The following SUPT3H variants were observed in gnomAD, a reference collection of about 807,000 sequenced individuals.
SUPT3H encodes transcription initiation protein SPT3 homolog.
Under a neutral mutation model 44.3 loss-of-function variants are expected in SUPT3H, and 44 were observed. The observed-to-expected ratio is 0.99, with a 90% CI of 0.78 to 1.28. The LOEUF (loss-of-function observed/expected upper bound fraction) is 1.28, where lower values mean the gene tolerates loss of function less well. Among genes scored for constraint, SUPT3H ranks in the 50% most tolerant of loss-of-function variants. The pLI, the probability that SUPT3H is intolerant of heterozygous loss-of-function variation, is 0.00. For synonymous variants in SUPT3H, 124 were observed against 125.6 expected, an observed-to-expected ratio of 0.99 and a Z score of 0.09; for missense variants, 380 against 387.1, an observed-to-expected ratio of 0.98 and a Z score of 0.15.
At chr6:45,151,926 T>C (rs900239649) in intron 2 of SUPT3H, among the ~76,000 whole-genome samples, 52 of 152,180 alleles carry the variant, frequency 3.4e-4, no homozygotes, top group African/African-American at 1.1e-3. Context: ...TCAGTTTCTT[T>C]GGTTGGTTCT....
chr6:45,007,559 G>A (rs572939793), intron 5 of SUPT3H, among the ~76,000 whole-genome samples: 220 of 152,110 alleles, frequency 1.4e-3, no homozygotes, highest in Non-Finnish European at 2.6e-3. Context: ...GTGAATTACT[G>A]TGTGTTAACT....
chr6:45,288,609 ATATG>A (rs59183264), intron 2 of SUPT3H, among the ~76,000 whole-genome samples: 3,445 of 41,104 alleles, frequency 0.084, 164 homozygotes, highest in African/African-American at 0.1. Flanking sequence ...GTATATATAT[ATATG>A]TATATATATA....
intron 2 of SUPT3H, among the ~76,000 whole-genome samples, chr6:45,152,273 T>C (rs1807074772): frequency 6.6e-6 from 1 of 152,196 alleles, no homozygotes; most frequent in East Asian, 1.9e-4. Flanking sequence ...ATTTTGCTTT[T>C]TCTTGTGCAC....
At chr6:45,363,698 T>A (rs990753177) in intron 2 of SUPT3H, among the ~76,000 whole-genome samples, 1 of 152,072 alleles carries the variant, frequency 6.6e-6, no homozygotes, top group Non-Finnish European at 1.5e-5. Flanking sequence ...CACAAAAATG[T>A]ATATAAGCAT....
At position 45,071,405 on chromosome 6, in the gene SUPT3H, C is replaced by A. The variant is rs574265288; in HGVS notation, c.186+34517G>T. ...TTATTATTTTCCTGTCTTTTTTTGC[C>A]CCATGATATCCATTAAAGATCACTG... On this transcript the variant is annotated intron_variant, in intron 3 of 10. Coordinates refer to ENST00000371459, the MANE Select transcript of SUPT3H (RefSeq NM_003599.4). 2.8e-4 allele frequency among the ~76,000 whole-genome samples: 42 copies of A among 151,826 alleles called. 2 individuals are homozygous for A. The East Asian group carries it at 8.1e-3, about 29-fold the overall frequency.
At chr6:44,904,709 G>A (rs1324331318) in intron 10 of SUPT3H, among the ~76,000 whole-genome samples, 10 of 152,104 alleles carry the variant, frequency 6.6e-5, no homozygotes, top group Middle Eastern at 3.4e-3. Context: ...CTTGCACCGC[G>A]AAGTCAATCC....
At chr6:45,175,695 G>A (rs1296900972) in intron 2 of SUPT3H, among the ~76,000 whole-genome samples, 1 of 142,090 alleles carries the variant, frequency 7.0e-6, no homozygotes, top group East Asian at 2.1e-4. Flanking sequence ...AGGCCCTGAG[G>A]CAGACTCAAG....
chr6:45,272,551 G>A (rs757486947), intron 2 of SUPT3H, among the ~76,000 whole-genome samples: 15 of 152,102 alleles, frequency 9.9e-5, no homozygotes, highest in East Asian at 1.9e-4. Context: ...TATCAACAGC[G>A]TGAAAATGGG....
At chr6:45,043,578 T>C (rs1309374459) in intron 3 of SUPT3H, among the ~76,000 whole-genome samples, 1 of 152,124 alleles carries the variant, frequency 6.6e-6, no homozygotes, top group Non-Finnish European at 1.5e-5. Flanking sequence ...GCAGACACAA[T>C]ATTAGATGCT....
chr6:44,997,664 A>G (rs976121766), intron 6 of SUPT3H, among the ~76,000 whole-genome samples: 1 of 151,868 alleles, frequency 6.6e-6, no homozygotes, highest in African/African-American at 2.4e-5. Context: ...CTTTTATTGC[A>G]CTGCCTAGTG....
At chr6:45,093,239 A>G (rs752055624) in intron 3 of SUPT3H, among the ~76,000 whole-genome samples, 3 of 152,174 alleles carry the variant, frequency 2.0e-5, no homozygotes, top group Non-Finnish European at 4.4e-5. Flanking sequence ...TATTTTTATA[A>G]AAAATAGGAT....
At chr6:45,362,479 T>C (rs2150256718) in intron 2 of SUPT3H, among the ~76,000 whole-genome samples, 1 of 152,294 alleles carries the variant, frequency 6.6e-6, no homozygotes, top group East Asian at 1.9e-4. Flanking sequence ...TCATTTGAAA[T>C]ATACATAAGC....
chr6:45,068,693 A>C (rs886516644), intron 3 of SUPT3H, among the ~76,000 whole-genome samples: 1 of 151,992 alleles, frequency 6.6e-6, no homozygotes, highest in African/African-American at 2.4e-5. Flanking sequence ...TCAAACATCA[A>C]CTTTGTTACT....
chr6:45,237,104 G>C (rs1193494218), intron 2 of SUPT3H, among the ~76,000 whole-genome samples: 1 of 152,136 alleles, frequency 6.6e-6, no homozygotes, highest in Non-Finnish European at 1.5e-5. Context: ...GAAACTAAAC[G>C]AATAGGAGGA....
chr6:44,930,542 C>G (rs1224573339), intron 10 of SUPT3H, among the ~76,000 whole-genome samples: 1 of 104,664 alleles, frequency 9.6e-6, no homozygotes, highest in African/African-American at 3.9e-5. Flanking sequence ...CCAGCCTGGG[C>G]AAACAGAGTG....
chr6:44,825,861 G>A (rs114340489), downstream of SUPT3H, among the ~76,000 whole-genome samples: 391 of 152,186 alleles, frequency 2.6e-3, 2 homozygotes, highest in African/African-American at 8.6e-3. Flanking sequence ...GTAGTGATGA[G>A]CAGAAAAGGG....
At chr6:45,090,175 A>C (rs2153562513) in intron 3 of SUPT3H, among the ~76,000 whole-genome samples, 1 of 152,238 alleles carries the variant, frequency 6.6e-6, no homozygotes, top group African/African-American at 2.4e-5. Flanking sequence ...TCTGAAATCC[A>C]AACGGGGTTA....
At chr6:44,838,356 T>C (rs900806098) in intron 10 of SUPT3H, among the ~76,000 whole-genome samples, 24 of 152,206 alleles carry the variant, frequency 1.6e-4, no homozygotes, top group African/African-American at 5.8e-4. Context: ...GGAAGACACA[T>C]ACTGAATGAG....
chr6:45,055,002 C>T (rs1790891341), intron 3 of SUPT3H, among the ~76,000 whole-genome samples: 1 of 151,722 alleles, frequency 6.6e-6, no homozygotes, highest in African/African-American at 2.4e-5. Flanking sequence ...AGCATAATAG[C>T]AACTATTAAA....
Sources: allele counts gnomAD v4.1 joint callset (sites outside exome capture counted in the v4.1 genomes callset), GRCh38; gene constraint gnomAD v4.1.1; transcripts MANE v1.5; gene names NCBI Gene and HGNC (gene_info 2026-07-23, HGNC 2026-07-21).